Variants in SCN2A observed in about 807,000 individuals in gnomAD.
The protein encoded by SCN2A is sodium voltage-gated channel alpha subunit 2.
Under a neutral mutation model 188.7 loss-of-function variants are expected in SCN2A, and 20 were observed. The observed-to-expected ratio is 0.11, with a 90% CI of 0.07 to 0.15. SCN2A has a LOEUF of 0.15. SCN2A is among the 10% of genes least tolerant of loss of function. The pLI, the probability that SCN2A is intolerant of heterozygous loss-of-function variation, is 1.00. For synonymous variants in SCN2A, 804 were observed against 833.1 expected (o/e 0.97, Z 0.60); for missense variants, 1,278 against 2,445.0 (o/e 0.52, Z 10.07).
At chr2:165,385,306 G>T (rs991957936) in intron 25 of SCN2A, among the ~76,000 whole-genome samples, 3 of 152,046 alleles carry the variant, frequency 2.0e-5, no homozygotes, top group African/African-American at 7.2e-5. Context: ...GCCCAACAGA[G>T]GTTAAGTCAA....
At chr2:165,256,179 A>G (rs1694316918) in intron 1 of SCN2A, among the ~76,000 whole-genome samples, 1 of 151,394 alleles carries the variant, frequency 6.6e-6, no homozygotes, top group Non-Finnish European at 1.5e-5. Context: ...CTAATTATGT[A>G]TTTTTAGTAG....
chr2:165,254,871 G>A (rs1694249653), intron 1 of SCN2A, among the ~76,000 whole-genome samples: 4 of 151,626 alleles, frequency 2.6e-5, no homozygotes, highest in Admixed American at 2.6e-4. Context: ...ACATTTACAA[G>A]TACAAAATTA....
intron 1 of SCN2A, among the ~76,000 whole-genome samples, chr2:165,246,260 C>T (rs1693841562): frequency 6.6e-6 from 1 of 152,286 alleles, no homozygotes; most frequent in Non-Finnish European, 1.5e-5. Context: ...TCTCCACTGG[C>T]ACTTTATACC....
chr2:165,356,648 C>T (rs1348197181), intron 17 of SCN2A, among the ~76,000 whole-genome samples: 1 of 152,122 alleles, frequency 6.6e-6, no homozygotes, highest in Non-Finnish European at 1.5e-5. Flanking sequence ...AAGCCATTGG[C>T]TAGTTTAATC....
At chr2:165,298,981 C>T (rs916236872) in intron 3 of SCN2A, among the ~76,000 whole-genome samples, 7 of 151,972 alleles carry the variant, frequency 4.6e-5, no homozygotes, top group Admixed American at 6.6e-5. Context: ...TCTTTCTTGT[C>T]GTGCATCTGA....
In SCN2A at chr2:165,342,345, T is replaced by G; in HGVS notation, c.2438T>G (p.Met813Arg). Residue 813 changes from methionine (M) to arginine (R), a missense_variant, in exon 15 of 27, where the codon ATG (methionine) becomes AGG (arginine). Physicochemically the swap from Met to Arg is moderately conservative, Grantham distance 91. Around this residue, in one of 17 missense-constraint regions of SCN2A, gnomAD observed 83 missense variants for 256.8 expected, o/e 0.32. Coordinates refer to ENST00000375437, the MANE Select transcript of SCN2A (RefSeq NM_001040142.2). ...TAEMFLKIIA[M>R]DPYYYFQEGW... ...GAAATGTTTCTCAAGATAATTGCCA[T>G]GGATCCATATTATTACTTTCAAGAA... 1 of 1,614,020 alleles carries G rather than the reference T, an allele frequency of 6.2e-7. No homozygotes were observed. The highest frequency in any genetic ancestry group is 8.5e-7 in the Non-Finnish European group (1 of 1,179,916).
At chr2:165,262,981 C>A (rs775973717) in intron 1 of SCN2A, among the ~76,000 whole-genome samples, 2 of 152,056 alleles carry the variant, frequency 1.3e-5, no homozygotes, top group African/African-American at 2.4e-5. Context: ...ATTTGCATTT[C>A]CCTGATAATT....
intron 6 of SCN2A, 133 bp from the exon 7 acceptor site, chr2:165,310,190 C>A: frequency 1.0e-6 from 1 of 994,170 alleles, no homozygotes; most frequent in East Asian, 2.4e-5. Flanking sequence ...GTTATTCAAT[C>A]ACAAACATTA....
chr2:165,311,952 G>A (rs752555632), intron 7 of SCN2A, 73 bp from the exon 8 acceptor site: 2 of 973,416 alleles, frequency 2.1e-6, no homozygotes, highest in Non-Finnish European at 3.3e-6. Context: ...TGTGAGCTTT[G>A]CCACCTAAAC....
At chr2:165,367,415 T>TTTGCCC (rs755666344) in intron 19 of SCN2A, 44 bp downstream of exon 19, 1 of 1,605,626 alleles carries the variant, frequency 6.2e-7, no homozygotes, top group African/African-American at 1.3e-5. Context: ...ATCTGAAATC[T>TTTGCCC]TTTCCCTTTC....
In SCN2A at chr2:165,274,259, A is replaced by T. The variant is rs182605603; in HGVS notation, c.-51-21514A>T. ...TATTTTATTGCTTTACAACACAAAA[A>T]AAATGGTTTACTTACTCCCAATAAT... On this transcript the variant is annotated intron_variant, in intron 1 of 26. Transcript: ENST00000375437. 272 of 152,204 alleles carry T rather than the reference A, an allele frequency of 1.8e-3. 1 individual carries two copies. Among genetic ancestry groups the T allele is most frequent in the African/African-American group, 6.4e-3 (264 of 41,566 alleles). The allele number at this position is 152,204 out of a possible 1,614,324, so 9.4% of individuals were successfully genotyped here.
chr2:165,282,151 C>A (rs1574494209), intron 1 of SCN2A, among the ~76,000 whole-genome samples: 2 of 152,170 alleles, frequency 1.3e-5, no homozygotes, highest in East Asian at 1.9e-4. Flanking sequence ...TAGGAATGCA[C>A]CTCAGGCTGG....
intron 1 of SCN2A, among the ~76,000 whole-genome samples, chr2:165,286,936 A>T (rs1163305814): frequency 6.6e-6 from 1 of 152,038 alleles, no homozygotes; most frequent in Non-Finnish European, 1.5e-5. Flanking sequence ...CCATTTTACC[A>T]TCCTTTAGTT....
chr2:165,262,043 T>C (rs1052814291), intron 1 of SCN2A, among the ~76,000 whole-genome samples: 1 of 152,206 alleles, frequency 6.6e-6, no homozygotes, highest in African/African-American at 2.4e-5. Flanking sequence ...ATACACATTA[T>C]GGTTGCAATA....
chr2:165,276,702 A>AT (rs1249089598), intron 1 of SCN2A, among the ~76,000 whole-genome samples: 1 of 152,196 alleles, frequency 6.6e-6, no homozygotes, highest in African/African-American at 2.4e-5. Flanking sequence ...CCACATATTT[A>AT]TGAAGACCCC....
intron 1 of SCN2A, chr2:165,272,180 T>C (rs1163600385): frequency 2.0e-5 from 3 of 151,788 alleles, no homozygotes; most frequent in Non-Finnish European, 2.9e-5. Flanking sequence ...AGATACAGCA[T>C]GAAAACACTA....
intron 14 of SCN2A, among the ~76,000 whole-genome samples, chr2:165,336,250 C>T (rs545106183): frequency 1.2e-4 from 18 of 151,858 alleles, no homozygotes; most frequent in African/African-American, 3.4e-4. Flanking sequence ...CTAATTTCTT[C>T]GGATATATAT....
At chr2:165,384,833 T>A (rs1701786241) in intron 25 of SCN2A, among the ~76,000 whole-genome samples, 1 of 152,088 alleles carries the variant, frequency 6.6e-6, no homozygotes, top group Non-Finnish European at 1.5e-5. Flanking sequence ...TTAGACAGAA[T>A]AGTAGACAGA....
rs1291873526 is a variant in SCN2A, at chr2:165,257,423, T to C, written c.-52+17783T>C. Among the ~76,000 whole-genome samples the C allele has an allele frequency of 2.0e-5, 3 of 152,352 alleles. No individual in the cohort carries two copies. The East Asian group carries it at 5.8e-4, about 29-fold the overall frequency. ...ATGATTTTTTTGACTTCCTAGTCTA[T>C]AAGAGACTTATTTTTTCACTTTTTA... is the stretch of plus-strand genomic sequence containing the variant. On this transcript the variant is annotated intron_variant, in intron 1 of 26. Transcript: ENST00000375437.
Sources: gnomAD v4.1 joint callset for allele counts (sites outside exome capture counted in the v4.1 genomes callset) on GRCh38, gnomAD v4.1.1 for gene constraint, gnomAD v4.1.1 regional missense constraint, MANE v1.5 for transcripts, NCBI Gene and HGNC (gene_info 2026-07-23, HGNC 2026-07-21) for gene names.